SNTG2: variants seen among roughly 807,000 people sequenced by gnomAD.
The protein encoded by SNTG2 is syntrophin gamma 2.
SNTG2 carries 74 observed loss-of-function variants against 70.9 expected under a neutral mutation model. The ratio of observed to expected loss-of-function variants is 1.04; its 90% CI spans 0.86 to 1.27. The LOEUF (loss-of-function observed/expected upper bound fraction) is 1.27, where lower values mean the gene tolerates loss of function less well. Ranked by LOEUF, SNTG2 falls within the 50% of genes most tolerant of loss-of-function variation. The probability of loss-of-function intolerance (pLI) is 0.00; values close to 1 mark genes in which losing one functional copy is unlikely to be tolerated. For synonymous variants in SNTG2, 278 were observed against 273.8 expected (o/e 1.02, Z -0.15); for missense variants, 717 against 690.7 (o/e 1.04, Z -0.43).
intron 6 of SNTG2, among the ~76,000 whole-genome samples, chr2:1,163,963 A>C (rs915555104): frequency 1.2e-4 from 18 of 152,184 alleles, no homozygotes; most frequent in Non-Finnish European, 2.2e-4. Context: ...TTCAAAACCC[A>C]TTCAAGCTAC....
intron 1 of SNTG2, among the ~76,000 whole-genome samples, chr2:1,056,967 AG>A (rs1662495855): frequency 1.1e-5 from 1 of 91,956 alleles, no homozygotes. Flanking sequence ...GGAGGGAGGG[AG>A]GGAGAGCGCG....
intron 4 of SNTG2, among the ~76,000 whole-genome samples, chr2:1,115,349 T>C (rs113789031): frequency 0.012 from 1,893 of 152,066 alleles, 30 homozygotes; most frequent in African/African-American, 0.04. Flanking sequence ...GTGTAGTAAG[T>C]GAGGTTTAAC....
At chr2:1,149,217 G>GACACAC (rs142450306) in intron 6 of SNTG2, among the ~76,000 whole-genome samples, 70 of 148,878 alleles carry the variant, frequency 4.7e-4, no homozygotes, top group East Asian at 1.0e-3. Flanking sequence ...GTGAGAGAGA[G>GACACAC]ACACACACAC....
chr2:1,356,767 C>T (rs1033318925), intron 16 of SNTG2, among the ~76,000 whole-genome samples: 2 of 152,100 alleles, frequency 1.3e-5, no homozygotes, highest in African/African-American at 4.8e-5. Context: ...GTAGTATACA[C>T]ATTTTAACAA....
chr2:1,195,983 C>G (rs183595931), intron 8 of SNTG2, among the ~76,000 whole-genome samples: 1 of 152,136 alleles, frequency 6.6e-6, no homozygotes, highest in Non-Finnish European at 1.5e-5. Context: ...ACTCTAAAGG[C>G]CTACAGTATA....
intron 7 of SNTG2, among the ~76,000 whole-genome samples, chr2:1,165,962 G>A (rs758490199): frequency 1.3e-5 from 2 of 152,088 alleles, no homozygotes; most frequent in African/African-American, 2.4e-5. Flanking sequence ...AAGTTTACAC[G>A]TAAAATACCT....
intron 14 of SNTG2, among the ~76,000 whole-genome samples, chr2:1,269,328 A>G (rs1357837430): frequency 1.3e-5 from 2 of 152,116 alleles, no homozygotes; most frequent in African/African-American, 4.8e-5. Flanking sequence ...ACCAAGCCCA[A>G]GAAACCTAGA....
At chr2:1,109,484 A>G (rs1666300823) in intron 4 of SNTG2, among the ~76,000 whole-genome samples, 1 of 152,166 alleles carries the variant, frequency 6.6e-6, no homozygotes, top group African/African-American at 2.4e-5. Flanking sequence ...TTGGATCTTC[A>G]TAAAAAACAT....
intron 1 of SNTG2, among the ~76,000 whole-genome samples, chr2:1,033,114 A>G (rs1188462248): frequency 6.6e-6 from 1 of 152,182 alleles, no homozygotes; most frequent in Non-Finnish European, 1.5e-5. Flanking sequence ...TACGAGAAAT[A>G]TGCACCCATG....
intron 2 of SNTG2, among the ~76,000 whole-genome samples, chr2:1,091,728 A>G (rs755311801): frequency 2.6e-5 from 4 of 152,204 alleles, no homozygotes; most frequent in Non-Finnish European, 4.4e-5. Context: ...GAATCATTGA[A>G]TTTTTAAAAT....
chr2:1,317,937 A>G (rs1393835020), intron 16 of SNTG2, among the ~76,000 whole-genome samples: 1 of 152,270 alleles, frequency 6.6e-6, no homozygotes, highest in Non-Finnish European at 1.5e-5. Flanking sequence ...AAATATTAGC[A>G]GGAAATCATT....
intron 1 of SNTG2, among the ~76,000 whole-genome samples, chr2:969,080 A>T (rs961088003): frequency 9.8e-5 from 15 of 152,310 alleles, no homozygotes; most frequent in African/African-American, 3.4e-4. Flanking sequence ...TCTTCTCCAT[A>T]TGGCAAGTCA....
chr2:1,185,270 CT>C (rs1397143320), intron 8 of SNTG2, among the ~76,000 whole-genome samples: 1 of 152,234 alleles, frequency 6.6e-6, no homozygotes, highest in Non-Finnish European at 1.5e-5. Flanking sequence ...CTCTCAAAGA[CT>C]GGCGTTGAGT....
chr2:1,004,840 T>G (rs116481376), intron 1 of SNTG2, among the ~76,000 whole-genome samples: 1,694 of 152,326 alleles, frequency 0.011, 36 homozygotes, highest in African/African-American at 0.038. Flanking sequence ...AAAACTTATG[T>G]ACCCACACAA....
At chr2:1,198,487 A>G (rs948808954) in intron 8 of SNTG2, among the ~76,000 whole-genome samples, 12 of 152,060 alleles carry the variant, frequency 7.9e-5, no homozygotes, top group Admixed American at 7.2e-4. Flanking sequence ...AGTCAAGTAA[A>G]CAACCTTATA....
chr2:963,835 GT>G (rs1408133978), intron 1 of SNTG2, among the ~76,000 whole-genome samples: 6 of 152,222 alleles, frequency 3.9e-5, no homozygotes, highest in African/African-American at 1.4e-4. Context: ...CCTTTGGAGG[GT>G]GTCATGTGAA....
chr2:1,138,801 A>G (rs1668565304), intron 6 of SNTG2, among the ~76,000 whole-genome samples: 1 of 152,196 alleles, frequency 6.6e-6, no homozygotes. Flanking sequence ...TTCAGTGTTT[A>G]TCTTTTCAAT....
intron 14 of SNTG2, among the ~76,000 whole-genome samples, chr2:1,281,409 TTGTG>T (rs1553272290): frequency 1.2e-3 from 3 of 2,428 alleles, no homozygotes; most frequent in Admixed American, 0.011. Flanking sequence ...ATGTGGTGTG[TTGTG>T]TGTGTGTGTG....
intron 1 of SNTG2, among the ~76,000 whole-genome samples, chr2:986,581 C>G (rs961013420): frequency 6.6e-6 from 1 of 152,212 alleles, no homozygotes; most frequent in Non-Finnish European, 1.5e-5. Context: ...TAAGAAGGAT[C>G]GGCATACCAG....
Sources: gnomAD v4.1 joint callset for allele counts (sites outside exome capture counted in the v4.1 genomes callset) on GRCh38, gnomAD v4.1.1 for gene constraint, MANE v1.5 for transcripts, NCBI Gene and HGNC (gene_info 2026-07-23, HGNC 2026-07-21) for gene names.